TRPC1: variants seen among roughly 807,000 people sequenced by gnomAD.
The protein encoded by TRPC1 is short transient receptor potential channel 1.
Under a neutral mutation model 88.2 loss-of-function variants are expected in TRPC1, and 42 were observed. That is an observed-to-expected ratio of 0.48 (90% CI 0.37 to 0.62). The LOEUF is 0.62. Ranked by LOEUF, TRPC1 falls within the 20% of genes least tolerant of loss-of-function variation. The probability of loss-of-function intolerance (pLI) is 0.00; values close to 1 mark genes in which losing one functional copy is unlikely to be tolerated. For synonymous variants in TRPC1, 288 were observed against 331.8 expected (o/e 0.87, Z 1.43); for missense variants, 699 against 957.3 (o/e 0.73, Z 3.56).
intron 2 of TRPC1, among the ~76,000 whole-genome samples, chr3:142,741,706 C>T (rs983563527): frequency 3.3e-5 from 5 of 152,162 alleles, no homozygotes; most frequent in African/African-American, 1.2e-4. Flanking sequence ...AATCAGAATG[C>T]TTGGGTCTGT....
At chr3:142,728,327 CTG>C (rs1933761664) in intron 1 of TRPC1, among the ~76,000 whole-genome samples, 1 of 138,702 alleles carries the variant, frequency 7.2e-6, no homozygotes, top group South Asian at 2.2e-4. Flanking sequence ...GTTTTGATGA[CTG>C]TATTTCTTTT....
Position 142,757,335 on chromosome 3 carries a change from T to C in TRPC1, c.632+8875T>C, listed in dbSNP as rs143362955. Reference sequence around the variant, plus strand: ...AATAATCCCAAAGGATTATAAATCATTCTATAAAGACACATGCACACATGT... The same window carrying C: ...AATAATCCCAAAGGATTATAAATCACTCTATAAAGACACATGCACACATGT... On this transcript the variant is annotated intron_variant, in intron 4 of 12. Transcript: ENST00000476941. Among the ~76,000 whole-genome samples, 425 of 130,270 alleles carry C rather than the reference T, an allele frequency of 3.3e-3. 1 individual carries two copies. Among genetic ancestry groups the C allele is most frequent in the African/African-American group, 0.014 (409 of 28,702 alleles). 85.5% of individuals were successfully genotyped at this position (130,270 alleles called of 152,430 possible).
rs370822264 is a variant in TRPC1, at chr3:142,806,286, C to T, written c.*51C>T. 3.2e-5 allele frequency: 45 copies of T among 1,384,992 alleles called. 1 individual carries two copies. The Middle Eastern group carries it at 1.1e-3, about 33-fold the overall frequency. The allele number at this position is 1,384,992 out of a possible 1,614,324, so 85.8% of individuals were successfully genotyped here. Reference sequence around the variant, plus strand: ...AATTTTCAATAACAGATCCAAAAGACTATATTGCATAACTTGCAATGAAAT... The same window carrying T: ...AATTTTCAATAACAGATCCAAAAGATTATATTGCATAACTTGCAATGAAAT... On this transcript the variant is annotated 3_prime_UTR_variant, in exon 13 of 13. Transcript: ENST00000476941.
chr3:142,764,088 A>G lies in TRPC1; in HGVS notation c.633-13544A>G, dbSNP rs908537072. ...AGAATGGAAACAAAGGCAAAAAAAA[A>G]TTCTACACTTTAGCTTCTTCTCCCA... On this transcript the variant is annotated intron_variant, in intron 4 of 12. Transcript: ENST00000476941. Among the ~76,000 whole-genome samples, 8 of 143,268 alleles carry G rather than the reference A, an allele frequency of 5.6e-5. 1 individual carries two copies. Among genetic ancestry groups the G allele is most frequent in the African/African-American group, 1.8e-4 (7 of 37,944 alleles). 94.0% of individuals were successfully genotyped at this position (143,268 alleles called of 152,430 possible).
intron 2 of TRPC1, among the ~76,000 whole-genome samples, chr3:142,743,101 G>A (rs1934412828): frequency 6.6e-6 from 1 of 151,992 alleles, no homozygotes; most frequent in African/African-American, 2.4e-5. Flanking sequence ...TGTAGTAATA[G>A]TTCTTGACAG....
At chr3:142,805,534 A>T (rs1936768562) in intron 12 of TRPC1, among the ~76,000 whole-genome samples, 1 of 152,220 alleles carries the variant, frequency 6.6e-6, no homozygotes, top group Admixed American at 6.5e-5. Context: ...TATTGATAAA[A>T]GTCAAAATAT....
rs1936826691 is a variant in TRPC1 at position 142,807,421 on chromosome 3, T to C, written c.*1186T>C. Reference sequence around the variant, plus strand: ...AAGGGATGTAGCTAAAATGTTTTCATAGGCTATTATATATTCTCGCAGCAT... The same window carrying C: ...AAGGGATGTAGCTAAAATGTTTTCACAGGCTATTATATATTCTCGCAGCAT... On this transcript the variant is annotated 3_prime_UTR_variant, in exon 13 of 13. Transcript: ENST00000476941. 6.6e-6 allele frequency: 1 copy of C among 152,190 alleles called. No homozygotes were observed. Among genetic ancestry groups the C allele is most frequent in the Non-Finnish European group, 1.5e-5 (1 of 68,026 alleles). The allele number at this position is 152,190 out of a possible 1,614,324, so 9.4% of individuals were successfully genotyped here. A position where few individuals can be genotyped will look rare whatever the true frequency, so the allele number is the denominator to read the frequency against.
At chr3:142,797,137 A>G (rs1244638368) in intron 9 of TRPC1, among the ~76,000 whole-genome samples, 1 of 151,500 alleles carries the variant, frequency 6.6e-6, no homozygotes, top group Non-Finnish European at 1.5e-5. Flanking sequence ...TCATGCTTTC[A>G]GGCCTCACAT....
chr3:142,796,474 T>G (rs1014679851), intron 9 of TRPC1, among the ~76,000 whole-genome samples: 2 of 152,088 alleles, frequency 1.3e-5, no homozygotes, highest in Admixed American at 1.3e-4. Flanking sequence ...CCTTATTTCC[T>G]TATTTCCTTT....
chr3:142,752,583 AG>A lies in TRPC1; in HGVS notation c.632+4125del, dbSNP rs1157192973. ...GGCCTTCCTCCATCTCAACTGCAAG[AG>A]GCTTTCCTCTTTTACTAATCCACCT... On this transcript the variant is annotated intron_variant, in intron 4 of 12. Transcript: ENST00000476941. 2.0e-5 allele frequency among the ~76,000 whole-genome samples: 3 copies of A among 151,988 alleles called. No homozygotes were observed. The East Asian group carries it at 5.9e-4, about 30-fold the overall frequency.
rs747136338 is a variant in TRPC1, at chr3:142,804,432, A to G, written c.1960-4A>G. 5.0e-6 allele frequency: 8 copies of G among 1,604,458 alleles called. No individual in the cohort carries two copies. In the East Asian group the frequency reaches 1.3e-4, roughly 27 times the overall value. ...GTTTGCTTTTTAATTTGCCTTTTAT[A>G]TAGAATCATGAAGACAAAGAATGGA... On this transcript the variant is annotated splice_region_variant and splice_polypyrimidine_tract_variant and intron_variant, in intron 11 of 12. Coordinates refer to ENST00000476941, the MANE Select transcript of TRPC1 (RefSeq NM_001251845.2).
At chr3:142,757,089 T>C (rs1304995451) in intron 4 of TRPC1, among the ~76,000 whole-genome samples, 1 of 152,240 alleles carries the variant, frequency 6.6e-6, no homozygotes, top group Admixed American at 6.5e-5. Flanking sequence ...TATTCCGTTA[T>C]GTATATAAAC....
chr3:142,746,078 A>G (rs553196991), intron 3 of TRPC1, among the ~76,000 whole-genome samples: 4 of 152,292 alleles, frequency 2.6e-5, no homozygotes, highest in African/African-American at 9.6e-5. Context: ...ACTTCTAGAG[A>G]GGCAATATTA....
At chr3:142,799,739 A>G (rs1393178881) in intron 9 of TRPC1, among the ~76,000 whole-genome samples, 2 of 152,098 alleles carry the variant, frequency 1.3e-5, no homozygotes, top group South Asian at 2.1e-4. Flanking sequence ...GGTTAAGGCT[A>G]CAGTGAGTCA....
At chr3:142,797,338 G>A (rs1337467239) in intron 9 of TRPC1, among the ~76,000 whole-genome samples, 1 of 151,992 alleles carries the variant, frequency 6.6e-6, no homozygotes, top group African/African-American at 2.4e-5. Flanking sequence ...CGTATCATGT[G>A]ATTCTAAAAC....
At chr3:142,732,333 G>C (rs928956744) in intron 1 of TRPC1, among the ~76,000 whole-genome samples, 7 of 152,138 alleles carry the variant, frequency 4.6e-5, no homozygotes, top group Admixed American at 4.6e-4. Context: ...TTTTATGTCA[G>C]CTTTGAGTTT....
intron 5 of TRPC1, among the ~76,000 whole-genome samples, chr3:142,778,777 T>C (rs1196467316): frequency 1.3e-5 from 2 of 152,202 alleles, no homozygotes; most frequent in Non-Finnish European, 2.9e-5. Flanking sequence ...GGAGTTTTCT[T>C]TAGCTTTAAC....
At chr3:142,745,601 G>T (rs1934516201) in intron 3 of TRPC1, among the ~76,000 whole-genome samples, 1 of 152,020 alleles carries the variant, frequency 6.6e-6, no homozygotes, top group South Asian at 2.1e-4. Flanking sequence ...CTGAGATCGA[G>T]CCGCTGCACT....
At chr3:142,774,091 A>G (rs961848671) in intron 4 of TRPC1, among the ~76,000 whole-genome samples, 1 of 152,266 alleles carries the variant, frequency 6.6e-6, no homozygotes, top group African/African-American at 2.4e-5. Context: ...TAGTGTCTAC[A>G]TATGTCAGCC....
Sources: allele counts gnomAD v4.1 joint callset (sites outside exome capture counted in the v4.1 genomes callset), GRCh38; gene constraint gnomAD v4.1.1; transcripts MANE v1.5; gene names NCBI Gene and HGNC (gene_info 2026-07-23, HGNC 2026-07-21).